MBD5: variants seen among roughly 807,000 people sequenced by gnomAD.
The protein encoded by MBD5 is methyl-CpG binding domain protein 5, also known as methyl-CpG-binding domain protein 5.
A neutral mutation model predicts 117.3 loss-of-function variants in MBD5; 13 were observed. The observed-to-expected ratio is 0.11, with a 90% CI of 0.07 to 0.18. MBD5 has a LOEUF of 0.18. Among genes scored for constraint, MBD5 ranks in the 10% least tolerant of loss-of-function variants. MBD5 has a pLI of 1.00. For synonymous variants in MBD5, 727 were observed against 766.4 expected (o/e 0.95, Z 0.85); for missense variants, 1,879 against 2,093.8 (o/e 0.90, Z 2.00).
At chr2:148,457,804 A>G (rs1254418858) in intron 4 of MBD5, among the ~76,000 whole-genome samples, 1 of 152,212 alleles carries the variant, frequency 6.6e-6, no homozygotes, top group Non-Finnish European at 1.5e-5. Flanking sequence ...TCAAAGGGTT[A>G]TATAATATTA....
intron 4 of MBD5, among the ~76,000 whole-genome samples, chr2:148,427,244 C>G (rs192807554): frequency 6.6e-6 from 1 of 152,114 alleles, no homozygotes; most frequent in Non-Finnish European, 1.5e-5. Flanking sequence ...GTTGGCGTGG[C>G]GATTCCTCAG....
At chr2:148,374,369 C>T (rs1441234542) in intron 4 of MBD5, among the ~76,000 whole-genome samples, 1 of 151,922 alleles carries the variant, frequency 6.6e-6, no homozygotes, top group Non-Finnish European at 1.5e-5. Flanking sequence ...TCCTCAATTA[C>T]CATATTGTGT....
At chr2:148,256,004 T>C (rs1484865438) in intron 3 of MBD5, among the ~76,000 whole-genome samples, 1 of 152,232 alleles carries the variant, frequency 6.6e-6, no homozygotes, top group African/African-American at 2.4e-5. Context: ...ACCCTACAAG[T>C]GTAGGTGAAC....
Position 148,345,566 on chromosome 2 carries a change from CGTATA to C in MBD5, c.-557+3231_-557+3235del, listed in dbSNP as rs1559033357. Among the ~76,000 whole-genome samples, 240 of 47,792 alleles carry C rather than the reference CGTATA, an allele frequency of 5.0e-3. 4 individuals carry two copies. The highest frequency in any genetic ancestry group is 0.02 in the African/African-American group (237 of 11,776). The allele number at this position is 47,792 out of a possible 152,430, so 31.4% of individuals were successfully genotyped here. Reference sequence around the variant, plus strand: ...ATATACACATACATATGTATATACACGTATACACATACATATGTATATACACGTAT... The same window carrying C: ...ATATACACATACATATGTATATACACCACATACATATGTATATACACGTAT... On this transcript the variant is annotated intron_variant, in intron 4 of 13. Transcript: ENST00000642680.
chr2:148,424,272 CA>C (rs1705709323), intron 4 of MBD5, among the ~76,000 whole-genome samples: 1 of 133,272 alleles, frequency 7.5e-6, no homozygotes, highest in Non-Finnish European at 1.6e-5. Flanking sequence ...CAACAAAGAT[CA>C]AAAGAGACAA....
chr2:148,165,795 A>G (rs148145596), intron 1 of MBD5, among the ~76,000 whole-genome samples: 3 of 152,252 alleles, frequency 2.0e-5, no homozygotes. Flanking sequence ...CATAGGGAAC[A>G]TTTAATATTT....
intron 1 of MBD5, among the ~76,000 whole-genome samples, chr2:148,032,545 A>G (rs1188896593): frequency 6.6e-6 from 1 of 152,108 alleles, no homozygotes; most frequent in Non-Finnish European, 1.5e-5. Context: ...TATTAAACAA[A>G]GGTCAATGTG....
intron 1 of MBD5, among the ~76,000 whole-genome samples, chr2:148,088,569 C>G (rs1449290187): frequency 6.6e-6 from 1 of 152,092 alleles, no homozygotes; most frequent in Non-Finnish European, 1.5e-5. Context: ...CCTCTTCAAA[C>G]AAAATAATTA....
chr2:148,342,730 T>C (rs1439188103), intron 4 of MBD5, among the ~76,000 whole-genome samples: 1 of 152,002 alleles, frequency 6.6e-6, no homozygotes, highest in African/African-American at 2.4e-5. Context: ...TTCTTTTACT[T>C]AGTGGTTTAT....
At chr2:148,362,691 G>A (rs1044540358) in intron 4 of MBD5, among the ~76,000 whole-genome samples, 5 of 152,190 alleles carry the variant, frequency 3.3e-5, no homozygotes, top group South Asian at 2.1e-4. Flanking sequence ...CTCCTGACTG[G>A]GAGACACTTC....
rs1336367683 is a variant in MBD5 at position 148,469,859 on chromosome 2, G to C, written c.1916G>C (p.Ser639Thr). The C allele has an allele frequency of 1.2e-6, 2 of 1,613,828 alleles. No homozygotes were observed. Among genetic ancestry groups the C allele is most frequent in the Non-Finnish European group, 1.7e-6 (2 of 1,179,920 alleles). The change falls in exon 8 of 14, where the codon AGT becomes ACT. Residue 639 changes from serine to threonine, a missense_variant. This residue lies in a region of MBD5 where 1,666 missense variants were observed against 1,792.2 expected (regional missense o/e 0.93). Coordinates refer to ENST00000642680, the MANE Select transcript of MBD5 (RefSeq NM_001378120.1). ...NMLLPTGEGQ[S>T]GRAALRDKLM... is the part of the protein sequence containing the mutation. ...CTTCTCCCAACAGGTGAAGGGCAAA[G>C]TGGTCGAGCAGCACTAAGAGATAAG...
chr2:148,399,443 G>A (rs1234733234), intron 4 of MBD5, among the ~76,000 whole-genome samples: 1 of 152,010 alleles, frequency 6.6e-6, no homozygotes, highest in East Asian at 1.9e-4. Context: ...CTCATGATTT[G>A]GCTCTCTGTT....
chr2:148,108,421 A>G (rs1696424085), intron 1 of MBD5, among the ~76,000 whole-genome samples: 1 of 152,076 alleles, frequency 6.6e-6, no homozygotes, highest in African/African-American at 2.4e-5. Flanking sequence ...AATGTTTGCT[A>G]CTGTTATTAT....
chr2:148,255,850 C>T (rs988638448), intron 3 of MBD5, among the ~76,000 whole-genome samples: 1 of 152,254 alleles, frequency 6.6e-6, no homozygotes, highest in African/African-American at 2.4e-5. Context: ...CACACGGAAT[C>T]TCCACTTTAT....
At chr2:148,150,661 C>T (rs1355683499) in intron 1 of MBD5, among the ~76,000 whole-genome samples, 1 of 151,724 alleles carries the variant, frequency 6.6e-6, no homozygotes, top group Non-Finnish European at 1.5e-5. Flanking sequence ...CTTCACATCC[C>T]TTGTAAGTTG....
At chr2:148,152,069 T>G (rs1227969881) in intron 1 of MBD5, among the ~76,000 whole-genome samples, 4 of 152,052 alleles carry the variant, frequency 2.6e-5, no homozygotes. Context: ...CTTTCTCTTG[T>G]GGGCATTTAG....
At chr2:148,115,439 C>T (rs947561386) in intron 1 of MBD5, among the ~76,000 whole-genome samples, 1 of 152,040 alleles carries the variant, frequency 6.6e-6, no homozygotes, top group Non-Finnish European at 1.5e-5. Context: ...TTTACAGAAT[C>T]GTTGAGAATT....
At chr2:148,066,504 T>TG (rs1695199113) in intron 1 of MBD5, among the ~76,000 whole-genome samples, 1 of 149,282 alleles carries the variant, frequency 6.7e-6, no homozygotes, top group Admixed American at 6.6e-5. Context: ...TTTTTTTTGT[T>TG]GAGACAGAGT....
chr2:148,208,394 C>T (rs1262260875), intron 2 of MBD5, among the ~76,000 whole-genome samples: 1 of 152,090 alleles, frequency 6.6e-6, no homozygotes, highest in Admixed American at 6.5e-5. Context: ...GCTGGGACTA[C>T]AAGCATGCGC....
Sources: gnomAD v4.1 joint callset for allele counts (sites outside exome capture counted in the v4.1 genomes callset) on GRCh38, gnomAD v4.1.1 for gene constraint, gnomAD v4.1.1 regional missense constraint, MANE v1.5 for transcripts, NCBI Gene and HGNC (gene_info 2026-07-23, HGNC 2026-07-21) for gene names.